The following DLGAP1 variants were observed in gnomAD, a reference collection of about 807,000 sequenced individuals.
DLGAP1 encodes the protein disks large-associated protein 1.
DLGAP1 carries 11 observed loss-of-function variants against 90.8 expected under a neutral mutation model. That is an observed-to-expected ratio of 0.12 (90% CI 0.08 to 0.20). The LOEUF is 0.20. Ranked by LOEUF, DLGAP1 falls within the 10% of genes least tolerant of loss-of-function variation. The pLI is 1.00. For missense variants in DLGAP1, 1,050 were observed against 1,333.8 expected, an observed-to-expected ratio of 0.79 and a Z score of 3.31; for synonymous variants, 558 against 540.7, an observed-to-expected ratio of 1.03 and a Z score of -0.44.
chr18:3,499,138 G>C lies in DLGAP1; in HGVS notation c.*47C>G, dbSNP rs749484217. 7 of 1,466,338 alleles carry C rather than the reference G, an allele frequency of 4.8e-6. No individual in the cohort carries two copies. In the South Asian group the frequency reaches 9.2e-5, roughly 19 times the overall value. The allele number at this position is 1,466,338 out of a possible 1,614,324, so 90.8% of individuals were successfully genotyped here. A position where few individuals can be genotyped will look rare whatever the true frequency, so the allele number is the denominator to read the frequency against. On this transcript the variant is annotated 3_prime_UTR_variant, in exon 13 of 13. Coordinates refer to ENST00000315677, the MANE Select transcript of DLGAP1 (RefSeq NM_004746.4). This position sits in a 1 kb window ranked among gnomAD's most constrained non-coding sequence, Gnocchi z 6.4. ...GGCAGCCGGCAGAGGAGCGGCCGGG[G>C]GAGGAGGGGACAGATGCTTGGCGGC...
chr18:4,354,027 G>A (rs2081452393), intron 1 of DLGAP1, among the ~76,000 whole-genome samples: 1 of 152,154 alleles, frequency 6.6e-6, no homozygotes, highest in South Asian at 2.1e-4. Flanking sequence ...AGTGTGAACT[G>A]GCTGTTGTTA....
chr18:3,764,911 G>C (rs1336480418), intron 5 of DLGAP1, among the ~76,000 whole-genome samples: 2 of 152,144 alleles, frequency 1.3e-5, no homozygotes, highest in South Asian at 2.1e-4. Context: ...CTTGGAATTG[G>C]GCAGGAAATG....
chr18:3,852,551 T>C (rs1021411895), intron 4 of DLGAP1, among the ~76,000 whole-genome samples: 2 of 152,170 alleles, frequency 1.3e-5, no homozygotes, highest in African/African-American at 2.4e-5. Context: ...TAGACTAACA[T>C]GAATCAACAG....
At chr18:4,211,976 A>G (rs898869922) in intron 1 of DLGAP1, among the ~76,000 whole-genome samples, 1 of 152,180 alleles carries the variant, frequency 6.6e-6, no homozygotes, top group East Asian at 1.9e-4. Flanking sequence ...GAAACTTTTT[A>G]AAAATACAAA....
At chr18:3,572,211 G>T (rs80032639) in intron 8 of DLGAP1, among the ~76,000 whole-genome samples, 1 of 150,730 alleles carries the variant, frequency 6.6e-6, no homozygotes, top group East Asian at 2.0e-4. Context: ...CCCGGTTTCC[G>T]CTAGAATTTT....
chr18:4,008,974 G>A (rs1483922125), intron 2 of DLGAP1, among the ~76,000 whole-genome samples: 2 of 152,094 alleles, frequency 1.3e-5, no homozygotes, highest in Non-Finnish European at 2.9e-5. Context: ...CGCGATCTCG[G>A]CTCACTGCAA....
intron 1 of DLGAP1, among the ~76,000 whole-genome samples, chr18:4,310,787 T>C (rs2080379663): frequency 6.6e-6 from 1 of 152,206 alleles, no homozygotes; most frequent in Non-Finnish European, 1.5e-5. Flanking sequence ...GTAAACATTA[T>C]TCTGTATGCC....
chr18:3,689,493 C>CT (rs909141392), intron 7 of DLGAP1, among the ~76,000 whole-genome samples: 14 of 151,980 alleles, frequency 9.2e-5, no homozygotes, highest in East Asian at 1.9e-4. Flanking sequence ...TCATTGTATC[C>CT]TTTTTTTTAA....
chr18:4,175,482 A>T (rs1160888916), intron 1 of DLGAP1, among the ~76,000 whole-genome samples: 4 of 152,136 alleles, frequency 2.6e-5, no homozygotes, highest in African/African-American at 7.2e-5. Context: ...TATGTCATGA[A>T]ATCTTTGCCC....
At chr18:4,280,641 T>C (rs964814145) in intron 1 of DLGAP1, 3 of 152,216 alleles carry the variant, frequency 2.0e-5, no homozygotes, top group African/African-American at 7.2e-5. Flanking sequence ...AATTTAACAA[T>C]TGCTGCAATT....
At chr18:3,600,723 G>GATCT (rs2056861769) in intron 7 of DLGAP1, among the ~76,000 whole-genome samples, 1 of 17,982 alleles carries the variant, frequency 5.6e-5, no homozygotes, top group Non-Finnish European at 1.3e-4. Flanking sequence ...TAGATATAGA[G>GATCT]ATATAGATAT....
At chr18:4,395,716 C>G (rs768237713) in intron 1 of DLGAP1, among the ~76,000 whole-genome samples, 2 of 152,198 alleles carry the variant, frequency 1.3e-5, no homozygotes, top group Admixed American at 1.3e-4. Flanking sequence ...ATAACAGAAT[C>G]TACTTAAGTC....
rs1205321182 is a variant in DLGAP1, at chr18:3,561,271, A to C, written c.2057+6219T>G. 1.3e-3 allele frequency among the ~76,000 whole-genome samples: 179 copies of C among 139,624 alleles called. 7 individuals are homozygous for C. The highest frequency in any genetic ancestry group is 7.3e-3 in the Middle Eastern group (2 of 274). The allele number at this position is 139,624 out of a possible 152,430, so 91.6% of individuals were successfully genotyped here. ...TCTCTACTAAAAAAAAAAAACAAAA[A>C]AAAAAAAACAAACAAAAAATAGCCA... On this transcript the variant is annotated intron_variant, in intron 9 of 12. Coordinates refer to ENST00000315677, the MANE Select transcript of DLGAP1 (RefSeq NM_004746.4).
intron 5 of DLGAP1, among the ~76,000 whole-genome samples, chr18:3,795,334 T>C (rs1441171450): frequency 6.6e-6 from 1 of 152,220 alleles, no homozygotes; most frequent in African/African-American, 2.4e-5. Context: ...TTCTTTTTTT[T>C]GAGACAGGGT....
chr18:3,965,524 G>C (rs1454114274), intron 3 of DLGAP1, among the ~76,000 whole-genome samples: 1 of 152,136 alleles, frequency 6.6e-6, no homozygotes, highest in African/African-American at 2.4e-5. Context: ...AGTAGGTTGT[G>C]ATCAAATCAT....
chr18:4,193,938 T>C (rs2077446817), intron 1 of DLGAP1, among the ~76,000 whole-genome samples: 1 of 152,162 alleles, frequency 6.6e-6, no homozygotes, highest in Admixed American at 6.6e-5. Flanking sequence ...AAGAAATTAA[T>C]TTTCAGATTT....
At chr18:4,147,571 TTCCATCCATCCATCCA>T (rs140010625) in intron 2 of DLGAP1, among the ~76,000 whole-genome samples, 34,562 of 147,810 alleles carry the variant, frequency 0.23, 4,164 homozygotes, top group East Asian at 0.4. Context: ...TCATCCATTC[TTCCATCCATCCATCCA>T]TCCATCCATC....
At chr18:4,053,737 T>C (rs1321322568) in intron 2 of DLGAP1, among the ~76,000 whole-genome samples, 2 of 152,194 alleles carry the variant, frequency 1.3e-5, no homozygotes, top group African/African-American at 4.8e-5. Context: ...CCTCTTATCT[T>C]TATAAATTAC....
chr18:4,168,581 C>G (rs1179182856), intron 1 of DLGAP1, among the ~76,000 whole-genome samples: 1 of 152,094 alleles, frequency 6.6e-6, no homozygotes, highest in Non-Finnish European at 1.5e-5. Context: ...TCCTTGGTAA[C>G]CACTATTCTA....
Sources: allele counts gnomAD v4.1 joint callset (sites outside exome capture counted in the v4.1 genomes callset), GRCh38; gene constraint gnomAD v4.1.1; non-coding constraint Gnocchi (gnomAD v3.1); transcripts MANE v1.5; gene names NCBI Gene and HGNC (gene_info 2026-07-23, HGNC 2026-07-21).